The following PRDM16 variants were observed in gnomAD, a reference collection of about 807,000 sequenced individuals.
PRDM16 encodes histone-lysine N-methyltransferase PRDM16.
A neutral mutation model predicts 110.6 loss-of-function variants in PRDM16; 23 were observed. The ratio of observed to expected loss-of-function variants is 0.21; its 90% CI spans 0.15 to 0.29. PRDM16 has a LOEUF of 0.29. Ranked by LOEUF, PRDM16 falls within the 10% of genes least tolerant of loss-of-function variation. PRDM16 has a pLI of 1.00. For missense variants in PRDM16, 1,615 were observed against 1,794.3 expected (o/e 0.90, Z 1.81); for synonymous variants, 799 against 781.8 (o/e 1.02, Z -0.37).
intron 1 of PRDM16, among the ~76,000 whole-genome samples, chr1:3,155,399 C>T (rs1034004571): frequency 9.2e-5 from 14 of 152,222 alleles, no homozygotes; most frequent in Non-Finnish European, 1.3e-4. Context: ...TTCGGGTTTG[C>T]GGTGTTATTG....
chr1:3,073,028 C>G (rs1461302824), intron 1 of PRDM16, among the ~76,000 whole-genome samples: 7 of 152,246 alleles, frequency 4.6e-5, no homozygotes, highest in African/African-American at 1.7e-4. Flanking sequence ...CACCAGACGC[C>G]CACTCGGGGG....
rs2455095 is a variant in PRDM16, at chr1:3,214,341, G to A, written c.387+27867G>A. On this transcript the variant is annotated intron_variant, in intron 2 of 16. Coordinates refer to ENST00000270722, the MANE Select transcript of PRDM16 (RefSeq NM_022114.4). ...CAAATGCTGCTAGGCGACCCAGGGCGATGGCGGCTTTTAAGAGCTGATGTC... is the reference window on the plus strand; with the variant it reads ...CAAATGCTGCTAGGCGACCCAGGGCAATGGCGGCTTTTAAGAGCTGATGTC... Among the ~76,000 whole-genome samples the A allele has an allele frequency of 8.7e-4, 132 of 152,234 alleles. 2 individuals are homozygous for A. The South Asian group carries it at 0.01, about 12-fold the overall frequency.
intron 2 of PRDM16, among the ~76,000 whole-genome samples, chr1:3,237,555 C>T (rs1245800548): frequency 1.3e-5 from 2 of 152,202 alleles, no homozygotes; most frequent in African/African-American, 4.8e-5. Context: ...CTCCGTGGGG[C>T]AGTGTAGACC....
chr1:3,108,857 A>G (rs1642723126), intron 1 of PRDM16, among the ~76,000 whole-genome samples: 1 of 152,090 alleles, frequency 6.6e-6, no homozygotes, highest in Non-Finnish European at 1.5e-5. Flanking sequence ...AAATTTTTAA[A>G]ATAATGTGAA....
rs1011494968 is a variant in PRDM16, at chr1:3,148,925, A to C, written c.38-37200A>C. On this transcript the variant is annotated intron_variant, in intron 1 of 16. Coordinates refer to ENST00000270722, the MANE Select transcript of PRDM16 (RefSeq NM_022114.4). This position sits in a 1 kb window ranked among gnomAD's most constrained non-coding sequence, Gnocchi z 5.0. ...CCAGTTGCGGAGGAAATGTTGGAGG[A>C]GGGGCAGTGGGGAAGGGCTGGAGCC... Among the ~76,000 whole-genome samples, 1 of 152,112 alleles carries C rather than the reference A, an allele frequency of 6.6e-6. No homozygotes were observed. Among genetic ancestry groups the C allele is most frequent in the African/African-American group, 2.4e-5 (1 of 41,426 alleles).
intron 1 of PRDM16, among the ~76,000 whole-genome samples, chr1:3,171,232 A>C (rs1644022154): frequency 6.6e-6 from 1 of 152,206 alleles, no homozygotes; most frequent in Non-Finnish European, 1.5e-5. Flanking sequence ...TAAAGAGATA[A>C]ATAAGTCTAT....
chr1:3,419,735 G>T (rs1319467576), intron 12 of PRDM16, among the ~76,000 whole-genome samples: 1 of 152,086 alleles, frequency 6.6e-6, no homozygotes, highest in Non-Finnish European at 1.5e-5. Context: ...CTCAGTCTGT[G>T]TCTCCATCCC....
intron 12 of PRDM16, among the ~76,000 whole-genome samples, chr1:3,423,701 C>T (rs1196435516): frequency 6.6e-6 from 1 of 152,184 alleles, no homozygotes; most frequent in Admixed American, 6.5e-5. Context: ...CAGCCACACC[C>T]ACTCCGGGTG....
chr1:3,364,697 G>T (rs1269094387), intron 3 of PRDM16, among the ~76,000 whole-genome samples: 2 of 152,238 alleles, frequency 1.3e-5, no homozygotes, highest in East Asian at 3.9e-4. Context: ...ACTCAGCTGC[G>T]CGGGGGACAG....
intron 3 of PRDM16, among the ~76,000 whole-genome samples, chr1:3,268,117 T>A (rs572461565): frequency 6.6e-6 from 1 of 152,224 alleles, no homozygotes; most frequent in African/African-American, 2.4e-5. Context: ...CGTGGGAGCG[T>A]ACGGTGAGCA....
chr1:3,293,553 CATT>C (rs1342890518), intron 3 of PRDM16, among the ~76,000 whole-genome samples: 1 of 152,178 alleles, frequency 6.6e-6, no homozygotes, highest in Admixed American at 6.5e-5. Flanking sequence ...AATAGAATTC[CATT>C]ATTGTTTCAT....
chr1:3,181,322 AATCTTACACAAGCAGTCTTACACACG>A (rs1644172644), intron 1 of PRDM16, among the ~76,000 whole-genome samples: 5 of 45,302 alleles, frequency 1.1e-4, no homozygotes, highest in African/African-American at 1.8e-4. Context: ...TTACACACGC[AATCTTACACAAGCAGTCTTACACACG>A]GTCTTACACA....
At chr1:3,070,051 G>A (rs973274312) in intron 1 of PRDM16, among the ~76,000 whole-genome samples, 2 of 151,944 alleles carry the variant, frequency 1.3e-5, no homozygotes, top group Non-Finnish European at 2.9e-5. Context: ...GCGGGCCGCC[G>A]GGGCGACAGT....
chr1:3,230,167 C>T (rs1406396343), intron 2 of PRDM16, among the ~76,000 whole-genome samples: 1 of 152,218 alleles, frequency 6.6e-6, no homozygotes, highest in African/African-American at 2.4e-5. Context: ...CCGAGGGCCT[C>T]AAGAGAGACA....
chr1:3,111,981 C>T (rs1642807045), intron 1 of PRDM16, among the ~76,000 whole-genome samples: 1 of 151,952 alleles, frequency 6.6e-6, no homozygotes, highest in African/African-American at 2.4e-5. Flanking sequence ...GGCGCGGCGG[C>T]GAGGGAGGAC....
At chr1:3,351,652 CTCTCCCCTCCCTCTT>C (rs1642494688) in intron 3 of PRDM16, among the ~76,000 whole-genome samples, 1 of 31,320 alleles carries the variant, frequency 3.2e-5, no homozygotes, top group Non-Finnish European at 7.1e-5. Flanking sequence ...CCATCTCTCT[CTCTCCCCTCCCTCTT>C]TCTCCCCTCC....
intron 6 of PRDM16, 126 bp from the exon 7 acceptor site, chr1:3,404,613 C>A: frequency 8.4e-7 from 1 of 1,188,572 alleles, no homozygotes; most frequent in Non-Finnish European, 1.2e-6. Flanking sequence ...CCAGCATGTG[C>A]TCTGATCCCT....
At chr1:3,276,552 G>A (rs1640587146) in intron 3 of PRDM16, among the ~76,000 whole-genome samples, 1 of 152,362 alleles carries the variant, frequency 6.6e-6, no homozygotes, top group African/African-American at 2.4e-5. Context: ...CCCTAACTCC[G>A]CCGGTGTCTG....
rs141885479 is a variant in PRDM16 at position 3,212,118 on chromosome 1, C to T, written c.387+25644C>T. ...CACTCCATTCACCGGCTCGTGAAAC[C>T]GTCAGGGCTGCGGAAGGACTGCGCG... On this transcript the variant is annotated intron_variant, in intron 2 of 16. Transcript: ENST00000270722. 1.1e-4 allele frequency among the ~76,000 whole-genome samples: 17 copies of T among 152,308 alleles called. No individual in the cohort carries two copies. In the East Asian group the frequency reaches 1.4e-3, roughly 12 times the overall value.
Sources: allele counts gnomAD v4.1 joint callset (sites outside exome capture counted in the v4.1 genomes callset), GRCh38; gene constraint gnomAD v4.1.1; non-coding constraint Gnocchi (gnomAD v3.1); transcripts MANE v1.5; gene names NCBI Gene and HGNC (gene_info 2026-07-23, HGNC 2026-07-21).